The following FBRSL1 variants were observed in gnomAD, a reference collection of about 807,000 sequenced individuals.
The protein encoded by FBRSL1 is fibrosin like 1.
A neutral mutation model predicts 89.6 loss-of-function variants in FBRSL1; 51 were observed. The observed-to-expected ratio is 0.57, with a 90% confidence interval of 0.45 to 0.72. The LOEUF is 0.72. Among genes scored for constraint, FBRSL1 ranks in the 30% least tolerant of loss-of-function variants. The pLI is 0.00. For synonymous variants in FBRSL1, 779 were observed against 681.1 expected, an observed-to-expected ratio of 1.14 and a Z score of -2.24; for missense variants, 1,618 against 1,451.8, an observed-to-expected ratio of 1.11 and a Z score of -1.86.
intron 1 of FBRSL1, among the ~76,000 whole-genome samples, chr12:132,493,747 G>A (rs1035436530): frequency 4.6e-5 from 7 of 152,234 alleles, no homozygotes; most frequent in African/African-American, 1.7e-4. Flanking sequence ...AGGCCGTTCT[G>A]TGCCCGGGGC....
At chr12:132,559,678 C>A (rs2038946635) in intron 5 of FBRSL1, among the ~76,000 whole-genome samples, 1 of 152,300 alleles carries the variant, frequency 6.6e-6, no homozygotes, top group East Asian at 1.9e-4. Flanking sequence ...CTGTTTCAGG[C>A]GCCGGCCACC....
chr12:132,523,425 G>A (rs954975361), intron 2 of FBRSL1, among the ~76,000 whole-genome samples: 4 of 152,118 alleles, frequency 2.6e-5, no homozygotes, highest in Admixed American at 6.5e-5. Flanking sequence ...AGGAGCACAC[G>A]CAGGGCAGCC....
intron 6 of FBRSL1, among the ~76,000 whole-genome samples, chr12:132,569,253 A>G (rs1318163556): frequency 4.7e-5 from 7 of 148,882 alleles, no homozygotes; most frequent in African/African-American, 1.5e-4. Context: ...AGGGGCCCAC[A>G]GGACCTGCGG....
intron 1 of FBRSL1, among the ~76,000 whole-genome samples, chr12:132,494,674 A>G (rs2031691050): frequency 6.6e-6 from 1 of 152,242 alleles, no homozygotes; most frequent in East Asian, 1.9e-4. Flanking sequence ...TTCAAACAGC[A>G]AATCACTTTC....
chr12:132,581,289 G>A, intron 15 of FBRSL1, 150 bp from the exon 16 acceptor site: 1 of 1,501,016 alleles, frequency 6.7e-7, no homozygotes, highest in Non-Finnish European at 8.9e-7. Flanking sequence ...CTCTTACTCT[G>A]ACTGGACACG....
At position 132,582,980 on chromosome 12, in the gene FBRSL1, G is replaced by A. The variant is rs1483448788; in HGVS notation, c.2211G>A (p.Leu737=). The stretch of plus-strand genomic sequence containing the variant: ...GCCCTGCCGCCCCCAGGGACCTCCT[G>A]GAGAAGACGCGCCTGCTGAGCCGGG... ...NGKEEQERDL[L]EKTRLLSRAS... Residue 737 remains leucine (L), a synonymous_variant, in exon 19 of 19, where the codon CTG becomes CTA. Transcript: ENST00000680143. 2.1e-6 allele frequency: 3 copies of A among 1,435,354 alleles called. No homozygotes were observed. Among genetic ancestry groups the A allele is most frequent in the East Asian group, 6.1e-5 (2 of 32,908 alleles). The allele number at this position is 1,435,354 out of a possible 1,614,324, so 88.9% of individuals were successfully genotyped here.
intron 1 of FBRSL1, among the ~76,000 whole-genome samples, chr12:132,505,955 T>C (rs1056219187): frequency 2.0e-5 from 3 of 152,230 alleles, no homozygotes. Context: ...TTCTCTGCAG[T>C]GAGCGTGGCT....
chr12:132,549,373 G>T (rs980056619), intron 5 of FBRSL1, among the ~76,000 whole-genome samples: 17 of 152,124 alleles, frequency 1.1e-4, no homozygotes, highest in African/African-American at 4.1e-4. Context: ...ACCCCGCGTG[G>T]CTCCGCGTGG....
chr12:132,581,769 G>T lies in FBRSL1; in HGVS notation c.1941G>T (p.Gly647=). The T allele has an allele frequency of 7.7e-6, 12 of 1,549,886 alleles. No individual in the cohort carries two copies. Among genetic ancestry groups the T allele is most frequent in the Non-Finnish European group, 1.0e-5 (12 of 1,146,694 alleles). ...TDPFSRPSTF[G]GLGSLSSHAF... ...CTTTCAGCAGACCGAGCACCTTTGG[G>T]GGCCTGGGCAGCCTGAGCAGCCACG... The change falls in exon 17 of 19, where the codon GGG becomes GGT. Residue 647 remains glycine (G), a synonymous_variant. Transcript: ENST00000680143.
chr12:132,581,890 T>C, intron 17 of FBRSL1, 66 bp downstream of exon 17: 1 of 1,380,086 alleles, frequency 7.2e-7, no homozygotes, highest in Non-Finnish European at 9.7e-7. Context: ...CTGTGTCCTC[T>C]GCAGGAACCC....
Position 132,582,394 on chromosome 12 carries a change from C to T in FBRSL1, c.2201+128C>T, listed in dbSNP as rs1448260159. ...CGTTTCCTCTCCCTCACCGTTCCCC[C>T]TCCCCCTGTTCCCCTTCCCCGTTCC... is the stretch of plus-strand genomic sequence containing the variant. On this transcript the variant is annotated intron_variant, in intron 18 of 18. Transcript: ENST00000680143. The T allele has an allele frequency of 7.5e-5, 50 of 663,030 alleles. No homozygotes were observed. In the African/African-American group the frequency reaches 7.6e-4, roughly 10 times the overall value. 41.1% of individuals were successfully genotyped at this position (663,030 alleles called of 1,614,324 possible).
chr12:132,518,156 G>A (rs2035011431), intron 2 of FBRSL1, among the ~76,000 whole-genome samples: 1 of 152,126 alleles, frequency 6.6e-6, no homozygotes, highest in South Asian at 2.1e-4. Flanking sequence ...GAGCCTGCTG[G>A]CAACGCACTT....
At chr12:132,532,691 C>T (rs1026857129) in intron 4 of FBRSL1, among the ~76,000 whole-genome samples, 1 of 151,996 alleles carries the variant, frequency 6.6e-6, no homozygotes, top group African/African-American at 2.4e-5. Flanking sequence ...GAGTCGCTGT[C>T]CCAGGCGGGG....
chr12:132,537,127 G>A (rs1314233682), intron 4 of FBRSL1, among the ~76,000 whole-genome samples: 7 of 152,198 alleles, frequency 4.6e-5, no homozygotes, highest in African/African-American at 9.7e-5. Context: ...GGCCACGCTC[G>A]ACAGGATGTG....
Position 132,581,779 on chromosome 12 carries a change from AGCCTGAGCAGCCACGCCTTTGGGG to A in FBRSL1, c.1957_1980del (p.Ser653_Leu660del). ...ACCGAGCACCTTTGGGGGCCTGGGC[AGCCTGAGCAGCCACGCCTTTGGGG>A]GCCTGGGCAGCCATGCACTGGGTGA... On this transcript the variant is annotated inframe_deletion, in exon 17 of 19. Coordinates refer to ENST00000680143, the MANE Select transcript of FBRSL1 (RefSeq NM_001367871.1). 1.3e-6 allele frequency: 2 copies of A among 1,549,404 alleles called. No individual in the cohort carries two copies. The highest frequency in any genetic ancestry group is 2.4e-5 in the South Asian group (2 of 84,024).
At position 132,547,980 on chromosome 12, in the gene FBRSL1, C is replaced by A. The variant is rs538113928; in HGVS notation, c.616-23C>A. On this transcript the variant is annotated intron_variant, in intron 4 of 18. Transcript: ENST00000680143. ...CACTGGTTGGTGGGGCCCCGACTCA[C>A]TTCTGTCTCTCTGTCCCTGCAGTGT... The A allele has an allele frequency of 3.2e-6, 5 of 1,549,808 alleles. No individual in the cohort carries two copies. The Admixed American group carries it at 9.8e-5, about 30-fold the overall frequency.
At chr12:132,568,693 A>T (rs934175667) in intron 6 of FBRSL1, among the ~76,000 whole-genome samples, 2 of 152,138 alleles carry the variant, frequency 1.3e-5, no homozygotes, top group South Asian at 2.1e-4. Flanking sequence ...TGGCTTGGAG[A>T]TGTGGGAGAG....
intron 2 of FBRSL1, among the ~76,000 whole-genome samples, chr12:132,512,823 G>C (rs966192834): frequency 6.6e-6 from 1 of 152,338 alleles, no homozygotes; most frequent in Non-Finnish European, 1.5e-5. Context: ...CTGGGTCCCT[G>C]TGGCCAACAG....
At chr12:132,537,365 G>A (rs539126607) in intron 4 of FBRSL1, among the ~76,000 whole-genome samples, 33 of 152,050 alleles carry the variant, frequency 2.2e-4, no homozygotes, top group South Asian at 2.1e-3. Flanking sequence ...GTCCCATGGC[G>A]TCACAGCACA....
Sources: allele counts gnomAD v4.1 joint callset (sites outside exome capture counted in the v4.1 genomes callset), GRCh38; gene constraint gnomAD v4.1.1; transcripts MANE v1.5; gene names NCBI Gene and HGNC (gene_info 2026-07-23, HGNC 2026-07-21).